MSRA: variants seen among roughly 807,000 people sequenced by gnomAD.
The protein encoded by MSRA is methionine sulfoxide reductase A, also known as mitochondrial peptide methionine sulfoxide reductase.
A neutral mutation model predicts 31.3 loss-of-function variants in MSRA; 54 were observed. The observed-to-expected ratio is 1.73, with a 90% CI of 1.39 to 2.17. The LOEUF is 2.17. Ranked by LOEUF, MSRA falls within the 30% of genes most tolerant of loss-of-function variation. MSRA has a pLI of 0.00. For synonymous variants in MSRA, 169 were observed against 116.5 expected, an observed-to-expected ratio of 1.45 and a Z score of -2.90; for missense variants, 507 against 300.9, an observed-to-expected ratio of 1.69 and a Z score of -5.07.
intron 3 of MSRA, among the ~76,000 whole-genome samples, chr8:10,260,095 A>G (rs1798393886): frequency 6.6e-6 from 1 of 152,242 alleles, no homozygotes. Context: ...ACACTGCAAG[A>G]CAAAATTGAT....
chr8:10,110,118 G>A (rs763420923), intron 1 of MSRA, among the ~76,000 whole-genome samples: 1 of 152,088 alleles, frequency 6.6e-6, no homozygotes, highest in Non-Finnish European at 1.5e-5. Context: ...TCTGCCCAGC[G>A]TTCTGACACA....
intron 5 of MSRA, among the ~76,000 whole-genome samples, chr8:10,352,551 A>G (rs1804218709): frequency 6.6e-6 from 1 of 152,026 alleles, no homozygotes; most frequent in Non-Finnish European, 1.5e-5. Flanking sequence ...AGTGTGGAGA[A>G]GATTGCAGCT....
intron 5 of MSRA, among the ~76,000 whole-genome samples, chr8:10,355,949 T>C (rs1320036375): frequency 6.6e-6 from 1 of 151,520 alleles, no homozygotes; most frequent in African/African-American, 2.4e-5. Context: ...GAGCTAGGAT[T>C]GAGGAAGGGG....
chr8:10,065,832 C>T (rs965924188), intron 1 of MSRA, among the ~76,000 whole-genome samples: 3 of 152,046 alleles, frequency 2.0e-5, no homozygotes, highest in East Asian at 1.9e-4. Context: ...GGAAGGAACA[C>T]AGTCGCCCTG....
chr8:10,109,964 G>A (rs569301285), intron 1 of MSRA, among the ~76,000 whole-genome samples: 57 of 152,112 alleles, frequency 3.7e-4, no homozygotes, highest in South Asian at 1.2e-3. Flanking sequence ...GTAAAGATTC[G>A]TCATAATTAG....
At chr8:10,229,572 T>G (rs1355602380) in intron 2 of MSRA, among the ~76,000 whole-genome samples, 2 of 152,000 alleles carry the variant, frequency 1.3e-5, no homozygotes, top group African/African-American at 4.8e-5. Flanking sequence ...CCTGCGCATG[T>G]GGGGAGGGCA....
chr8:10,263,036 ATTGTC>A lies in MSRA; in HGVS notation c.331+17818_331+17822del, dbSNP rs1798561894. Among the ~76,000 whole-genome samples, 3 of 152,144 alleles carry A rather than the reference ATTGTC, an allele frequency of 2.0e-5. No individual in the cohort carries two copies. The South Asian group carries it at 6.2e-4, about 32-fold the overall frequency. ...CATCCACCCTCCCACATGGGTGCTG[ATTGTC>A]TTGTTTGTGTACCGGCTTGGCCTTT... On this transcript the variant is annotated intron_variant, in intron 3 of 5. Coordinates refer to ENST00000317173, the MANE Select transcript of MSRA (RefSeq NM_012331.5).
intron 1 of MSRA, chr8:10,059,139 A>G (rs2128911178): frequency 6.6e-6 from 1 of 152,354 alleles, no homozygotes; most frequent in Admixed American, 6.5e-5. Context: ...GAAATATTCA[A>G]TAAATGGTAT....
At chr8:10,219,859 C>A (rs771944334) in intron 2 of MSRA, among the ~76,000 whole-genome samples, 12 of 145,676 alleles carry the variant, frequency 8.2e-5, no homozygotes, top group Non-Finnish European at 1.6e-4. Context: ...CAATGTACAC[C>A]TTTTTGGTTT....
At chr8:10,381,551 A>G (rs750225769) in intron 5 of MSRA, among the ~76,000 whole-genome samples, 2 of 152,178 alleles carry the variant, frequency 1.3e-5, no homozygotes, top group Non-Finnish European at 2.9e-5. Flanking sequence ...AATGGAGTCA[A>G]ATCCATCTGC....
chr8:10,104,952 G>A (rs1799783070), intron 1 of MSRA, among the ~76,000 whole-genome samples: 2 of 152,154 alleles, frequency 1.3e-5, no homozygotes, highest in Admixed American at 1.3e-4. Context: ...ACAGTTGGTA[G>A]TACCAGACTT....
In MSRA at chr8:10,389,039, C is replaced by G. The variant is rs1026892408; in HGVS notation, c.544-39109C>G. Among the ~76,000 whole-genome samples, 7 of 152,228 alleles carry G rather than the reference C, an allele frequency of 4.6e-5. 1 individual carries two copies. The Middle Eastern group carries it at 0.01, about 222-fold the overall frequency. On this transcript the variant is annotated intron_variant, in intron 5 of 5. Transcript: ENST00000317173. ...AGTGTTCCATTATTGGAACGCTAAG[C>G]TTGTGGGAGTTATTTATATCCTACT... is the stretch of plus-strand genomic sequence containing the variant.
rs373115105 is a variant in MSRA, at chr8:10,281,003, A to C, written c.332-20531A>C. ...CATTAGTCATTAGCTTGGACGGGGG[A>C]GATGGTGGGTTTGGGAATGATAGCT... On this transcript the variant is annotated intron_variant, in intron 3 of 5. Coordinates refer to ENST00000317173, the MANE Select transcript of MSRA (RefSeq NM_012331.5). Among the ~76,000 whole-genome samples the C allele has an allele frequency of 7.2e-5, 11 of 152,238 alleles. No homozygotes were observed. The South Asian group carries it at 1.2e-3, about 17-fold the overall frequency.
At chr8:10,311,379 C>T (rs563013701) in intron 4 of MSRA, among the ~76,000 whole-genome samples, 11 of 152,238 alleles carry the variant, frequency 7.2e-5, no homozygotes, top group African/African-American at 2.4e-4. Flanking sequence ...CCAGAAAATG[C>T]GAGCTTTGAG....
intron 5 of MSRA, among the ~76,000 whole-genome samples, chr8:10,385,289 G>A (rs753126890): frequency 6.6e-6 from 1 of 152,142 alleles, no homozygotes; most frequent in Non-Finnish European, 1.5e-5. Context: ...GAAGTTGGGG[G>A]GATTCAGGTT....
chr8:10,329,885 C>G (rs948524468), intron 5 of MSRA, among the ~76,000 whole-genome samples: 1 of 151,906 alleles, frequency 6.6e-6, no homozygotes, highest in Non-Finnish European at 1.5e-5. Flanking sequence ...TCATACATCT[C>G]TACCTTCAAA....
At chr8:10,162,292 GGT>G (rs1414992225) in intron 1 of MSRA, among the ~76,000 whole-genome samples, 1 of 152,128 alleles carries the variant, frequency 6.6e-6, no homozygotes, top group African/African-American at 2.4e-5. Context: ...GAATGGGATT[GGT>G]GGCCTTATAA....
At chr8:10,122,406 A>C (rs894046657) in intron 1 of MSRA, among the ~76,000 whole-genome samples, 6 of 152,092 alleles carry the variant, frequency 3.9e-5, no homozygotes, top group Non-Finnish European at 5.9e-5. Flanking sequence ...AAAAGAAAGG[A>C]TTTCTGGATT....
chr8:10,245,571 A>C lies in MSRA; in HGVS notation c.331+348A>C, dbSNP rs571938127. Among the ~76,000 whole-genome samples the C allele has an allele frequency of 9.8e-5, 15 of 152,316 alleles. No homozygotes were observed. The South Asian group carries it at 2.9e-3, about 29-fold the overall frequency. On this transcript the variant is annotated intron_variant, in intron 3 of 5. Transcript: ENST00000317173. ...CACCTGGGATTTGCTCATGTGGCTA[A>C]GGTCAACCTGTGGGTTGCCTGGGGG...
Sources: allele counts gnomAD v4.1 joint callset (sites outside exome capture counted in the v4.1 genomes callset), GRCh38; gene constraint gnomAD v4.1.1; transcripts MANE v1.5; gene names NCBI Gene and HGNC (gene_info 2026-07-23, HGNC 2026-07-21).